Variants in PTH1R observed in about 807,000 individuals in gnomAD.
The protein encoded by PTH1R is parathyroid hormone 1 receptor, also known as parathyroid hormone/parathyroid hormone-related peptide receptor.
Under a neutral mutation model 70.7 loss-of-function variants are expected in PTH1R, and 32 were observed. That is an observed-to-expected ratio of 0.45 (90% CI 0.34 to 0.61). The LOEUF is 0.61. Among genes scored for constraint, PTH1R ranks in the 20% least tolerant of loss-of-function variants. The pLI, the probability that PTH1R is intolerant of heterozygous loss-of-function variation, is 0.01. For missense variants in PTH1R, 626 were observed against 792.5 expected (o/e 0.79, Z 2.52); for synonymous variants, 329 against 324.8 (o/e 1.01, Z -0.14).
At chr3:46,895,191 A>C (rs1157861273) in intron 4 of PTH1R, among the ~76,000 whole-genome samples, 2 of 152,032 alleles carry the variant, frequency 1.3e-5, no homozygotes, top group Non-Finnish European at 2.9e-5. Flanking sequence ...TGTGAACCAC[A>C]TACTTGAGGA....
Position 46,901,632 on chromosome 3 carries a change from C to T in PTH1R, c.1117-134C>T. The T allele has an allele frequency of 2.9e-6, 4 of 1,359,968 alleles. No homozygotes were observed. In the South Asian group the frequency reaches 3.8e-5, roughly 13 times the overall value. The allele number at this position is 1,359,968 out of a possible 1,614,324, so 84.2% of individuals were successfully genotyped here. A position where few individuals can be genotyped will look rare whatever the true frequency, so the allele number is the denominator to read the frequency against. ...GGACCAGCTGATCCACACTCCAGCC[C>T]AGAAAGGAAAACCAAGGGCTCAAGG... On this transcript the variant is annotated intron_variant, in intron 12 of 15. Coordinates refer to ENST00000449590, the MANE Select transcript of PTH1R (RefSeq NM_000316.3). This position sits in a 1 kb window ranked among gnomAD's most constrained non-coding sequence, Gnocchi z 7.3.
At chr3:46,880,804 G>T (rs1309844203) in intron 1 of PTH1R, among the ~76,000 whole-genome samples, 1 of 152,188 alleles carries the variant, frequency 6.6e-6, no homozygotes, top group African/African-American at 2.4e-5. Flanking sequence ...ATGCACCTGG[G>T]AGTGCAGTCT....
At position 46,901,653 on chromosome 3, in the gene PTH1R, C is replaced by A; in HGVS notation, c.1117-113C>A. The A allele has an allele frequency of 7.1e-7, 1 of 1,400,972 alleles. No individual in the cohort carries two copies. Among genetic ancestry groups the A allele is most frequent in the Non-Finnish European group, 1.0e-6 (1 of 996,890 alleles). The allele number at this position is 1,400,972 out of a possible 1,614,324, so 86.8% of individuals were successfully genotyped here. A position where few individuals can be genotyped will look rare whatever the true frequency, so the allele number is the denominator to read the frequency against. ...AGCCCAGAAAGGAAAACCAAGGGCT[C>A]AAGGAGCCACCCAGAGATGCAGTGA... On this transcript the variant is annotated intron_variant, in intron 12 of 15. Coordinates refer to ENST00000449590, the MANE Select transcript of PTH1R (RefSeq NM_000316.3). The surrounding 1 kb of genome is among the most constrained non-coding windows in gnomAD (Gnocchi z 7.3).
At position 46,901,745 on chromosome 3, in the gene PTH1R, G is replaced by A. The variant is rs1192643354; in HGVS notation, c.1117-21G>A. 5.6e-6 allele frequency: 9 copies of A among 1,607,936 alleles called. No homozygotes were observed. Among genetic ancestry groups the A allele is most frequent in the African/African-American group, 4.0e-5 (3 of 74,762 alleles). On this transcript the variant is annotated intron_variant, in intron 12 of 15. Transcript: ENST00000449590. The surrounding 1 kb of genome is among the most constrained non-coding windows in gnomAD (Gnocchi z 7.3). ...CCCCACTAGGGTGCAGCCTCCAGACGCAGCCCCCTCACTCCCACAGCTCAA... is the reference window on the plus strand; with the variant it reads ...CCCCACTAGGGTGCAGCCTCCAGACACAGCCCCCTCACTCCCACAGCTCAA...
chr3:46,885,907 C>T (rs952993516), intron 3 of PTH1R, among the ~76,000 whole-genome samples: 2 of 152,196 alleles, frequency 1.3e-5, no homozygotes, highest in African/African-American at 4.8e-5. Flanking sequence ...GGTCACCAAA[C>T]CTGTATGCTA....
At position 46,892,879 on chromosome 3, in the gene PTH1R, C is replaced by G. The variant is rs2031515340; in HGVS notation, c.76-1028C>G. ...GCCCAGGGGTCTGAGGAAACACGAC[C>G]CTGAATTAAGAGGGATGGGGCTGAG... On this transcript the variant is annotated intron_variant, in intron 3 of 15. Coordinates refer to ENST00000449590, the MANE Select transcript of PTH1R (RefSeq NM_000316.3). The surrounding 1 kb of genome is among the most constrained non-coding windows in gnomAD (Gnocchi z 5.2). 1.1e-6 allele frequency: 1 copy of G among 896,354 alleles called. No individual in the cohort carries two copies. Among genetic ancestry groups the G allele is most frequent in the South Asian group, 5.1e-5 (1 of 19,546 alleles). The allele number at this position is 896,354 out of a possible 1,614,324, so 55.5% of individuals were successfully genotyped here.
At chr3:46,899,883 C>T (rs2032014377) in intron 10 of PTH1R, among the ~76,000 whole-genome samples, 1 of 152,242 alleles carries the variant, frequency 6.6e-6, no homozygotes, top group Non-Finnish European at 1.5e-5. Flanking sequence ...GCTGCCCACA[C>T]CATTGCCAGC....
In PTH1R at chr3:46,901,962, C is replaced by A; in HGVS notation, c.1211+102C>A. The A allele has an allele frequency of 2.4e-6, 3 of 1,257,456 alleles. No individual in the cohort carries two copies. Among genetic ancestry groups the A allele is most frequent in the Admixed American group, 1.9e-5 (1 of 52,754 alleles). 77.9% of individuals were successfully genotyped at this position (1,257,456 alleles called of 1,614,324 possible). ...AGTGGCCCCATGAATGATCCTGGGGCAAGGGAAAGGACCCAGCGTCTGACT... is the reference window on the plus strand; with the variant it reads ...AGTGGCCCCATGAATGATCCTGGGGAAAGGGAAAGGACCCAGCGTCTGACT... On this transcript the variant is annotated intron_variant, in intron 13 of 15. Coordinates refer to ENST00000449590, the MANE Select transcript of PTH1R (RefSeq NM_000316.3). This position sits in a 1 kb window ranked among gnomAD's most constrained non-coding sequence, Gnocchi z 7.3.
rs1559537753 is a variant in PTH1R at position 46,901,177 on chromosome 3, C to T, written c.1049+92C>T. On this transcript the variant is annotated intron_variant, in intron 11 of 15. Transcript: ENST00000449590. This position sits in a 1 kb window ranked among gnomAD's most constrained non-coding sequence, Gnocchi z 7.3. ...TGTGAGAGGGCCTCCTGTACCCTGGCCTCAAACGGCCCAGCCTCAGGAGTT... is the reference window on the plus strand; with the variant it reads ...TGTGAGAGGGCCTCCTGTACCCTGGTCTCAAACGGCCCAGCCTCAGGAGTT... The T allele has an allele frequency of 5.5e-6, 8 of 1,450,108 alleles. No individual in the cohort carries two copies. The highest frequency in any genetic ancestry group is 2.5e-5 in the East Asian group (1 of 40,406). 89.8% of individuals were successfully genotyped at this position (1,450,108 alleles called of 1,614,324 possible).
intron 5 of PTH1R, 36 bp downstream of exon 5, chr3:46,895,905 G>T: frequency 6.2e-7 from 1 of 1,605,238 alleles, no homozygotes; most frequent in South Asian, 1.1e-5. Flanking sequence ...GCTGGCATGG[G>T]CTTGGATCCA....
At chr3:46,899,510 CAG>C (rs1349031939) in intron 10 of PTH1R, 54 bp downstream of exon 10, 8 of 1,582,384 alleles carry the variant, frequency 5.1e-6, no homozygotes, top group South Asian at 1.1e-5. Context: ...CCGTGGGTGA[CAG>C]GGAGAGGGCA....
chr3:46,878,249 T>G (rs1575503305), intron 1 of PTH1R, among the ~76,000 whole-genome samples: 1 of 152,226 alleles, frequency 6.6e-6, no homozygotes, highest in East Asian at 1.9e-4. Flanking sequence ...GGGGTGTTTA[T>G]GAGCAGCCGA....
chr3:46,899,554 C>T (rs888511478), intron 10 of PTH1R, 98 bp downstream of exon 10: 56 of 1,470,716 alleles, frequency 3.8e-5, no homozygotes, highest in Non-Finnish European at 4.9e-5. Flanking sequence ...CACAGCACAT[C>T]CCGCCCCAAG....
At chr3:46,888,217 T>TA (rs564498179) in intron 3 of PTH1R, among the ~76,000 whole-genome samples, 4 of 152,370 alleles carry the variant, frequency 2.6e-5, no homozygotes, top group African/African-American at 9.6e-5. Context: ...TTCTGGGCTT[T>TA]ACAGTGAGAG....
chr3:46,894,080 G>T, intron 4 of PTH1R, 71 bp downstream of exon 4: 1 of 1,499,598 alleles, frequency 6.7e-7, no homozygotes, highest in Non-Finnish European at 9.2e-7. Flanking sequence ...GCGGGACCCA[G>T]GATACAGAGC....
rs1575510198 is a variant in PTH1R at position 46,886,168 on chromosome 3, A to G, written c.75+2534A>G. ...TCCTTGAGGATGCGTCCTCCTAAGG[A>G]CCCCCCCAGCATGTACACATGTGGA... On this transcript the variant is annotated intron_variant, in intron 3 of 15. Coordinates refer to ENST00000449590, the MANE Select transcript of PTH1R (RefSeq NM_000316.3). Among the ~76,000 whole-genome samples the G allele has an allele frequency of 4.0e-5, 6 of 149,776 alleles. No individual in the cohort carries two copies. In the South Asian group the frequency reaches 1.3e-3, roughly 32 times the overall value.
chr3:46,893,959 G>T lies in PTH1R; in HGVS notation c.128G>T (p.Arg43Leu). Residue 43 changes from arginine to leucine, a missense_variant, in exon 4 of 16, where the codon CGT (arginine) becomes CTT (leucine). By Grantham distance (102) the Arg-to-Leu change is moderately radical (BLOSUM62 -2). Coordinates refer to ENST00000449590, the MANE Select transcript of PTH1R (RefSeq NM_000316.3). This position sits in a 1 kb window ranked among gnomAD's most constrained non-coding sequence, Gnocchi z 5.2. ...GAGGAACAGATCTTCCTGCTGCACC[G>T]TGCTCAGGCCCAGTGCGAAAAACGG... ...TKEEQIFLLH[R>L]AQAQCEKRLK... 1 of 1,614,188 alleles carries T rather than the reference G, an allele frequency of 6.2e-7. No homozygotes were observed. The highest frequency in any genetic ancestry group is 8.5e-7 in the Non-Finnish European group (1 of 1,180,038).
At chr3:46,897,663 G>A (rs888302613) in intron 5 of PTH1R, among the ~76,000 whole-genome samples, 192 bp from the exon 6 acceptor site, 20 of 152,108 alleles carry the variant, frequency 1.3e-4, no homozygotes, top group Non-Finnish European at 2.4e-4. Flanking sequence ...CCTGGGAGGC[G>A]GAGGTTGCAG....
In PTH1R at chr3:46,883,512, G is replaced by A; in HGVS notation, c.-48G>A. 1.4e-6 allele frequency: 2 copies of A among 1,458,558 alleles called. No individual in the cohort carries two copies. Among genetic ancestry groups the A allele is most frequent in the Non-Finnish European group, 1.8e-6 (2 of 1,109,076 alleles). The allele number at this position is 1,458,558 out of a possible 1,614,324, so 90.4% of individuals were successfully genotyped here. A position where few individuals can be genotyped will look rare whatever the true frequency, so the allele number is the denominator to read the frequency against. ...GCTCTGCACCCCCTACCACCACCAG[G>A]GCCGGCGGCGGCGGCTGCCCCGAGG... On this transcript the variant is annotated splice_region_variant and 5_prime_UTR_variant, in exon 3 of 16. Transcript: ENST00000449590. This position sits in a 1 kb window ranked among gnomAD's most constrained non-coding sequence, Gnocchi z 6.4.
Sources: gnomAD v4.1 joint callset for allele counts (sites outside exome capture counted in the v4.1 genomes callset) on GRCh38, gnomAD v4.1.1 for gene constraint, Gnocchi (gnomAD v3.1) non-coding constraint, MANE v1.5 for transcripts, NCBI Gene and HGNC (gene_info 2026-07-23, HGNC 2026-07-21) for gene names.